The following LMAN1L variants were observed in gnomAD, a reference collection of about 807,000 sequenced individuals.
The protein encoded by LMAN1L is lectin, mannose binding 1 like.
LMAN1L carries 60 observed loss-of-function variants against 58.3 expected under a neutral mutation model. The ratio of observed to expected loss-of-function variants is 1.03; its 90% CI spans 0.84 to 1.27. The LOEUF is 1.27. Among genes scored for constraint, LMAN1L ranks in the 50% most tolerant of loss-of-function variants. The pLI is 0.00. For missense variants in LMAN1L, 629 were observed against 674.0 expected (o/e 0.93, Z 0.74); for synonymous variants, 280 against 271.6 (o/e 1.03, Z -0.31).
intron 9 of LMAN1L, among the ~76,000 whole-genome samples, chr15:74,821,616 C>T (rs1020124006): frequency 1.7e-4 from 26 of 152,336 alleles, no homozygotes; most frequent in Middle Eastern, 3.4e-3. Context: ...AGTCATAACT[C>T]GGGTCATGCC....
chr15:74,825,547 C>T lies in LMAN1L; in HGVS notation c.1523C>T (p.Thr508Ile), dbSNP rs889004166. The T allele has an allele frequency of 3.7e-6, 6 of 1,613,226 alleles. No homozygotes were observed. The highest frequency in any genetic ancestry group is 1.7e-4 in the Middle Eastern group (1 of 6,044). The change falls in exon 14 of 14, where the codon ACC becomes ATC. Residue 508 changes from threonine (T) to isoleucine (I), a missense_variant. Transcript: ENST00000309664. ...CTTCCTCTGGGTCCTGCACCACACA[C>T]CCCCAGGGCCCTGGGGATTCTGAGG... is the stretch of plus-strand genomic sequence containing the variant. ...GSLPLGPAPH[T>I]PRALGILRRQ... is the part of the protein sequence containing the mutation.
intron 7 of LMAN1L, 49 bp from the exon 8 acceptor site, chr15:74,820,586 C>A: frequency 6.2e-7 from 1 of 1,611,028 alleles, no homozygotes; most frequent in South Asian, 1.1e-5. Flanking sequence ...CCCCTTGCTT[C>A]TGGATCTCCC....
chr15:74,823,723 G>A (rs1448211120), intron 12 of LMAN1L, 41 bp downstream of exon 12: 1 of 1,600,696 alleles, frequency 6.2e-7, no homozygotes, highest in Non-Finnish European at 8.5e-7. Flanking sequence ...CCCCAACCTT[G>A]ACGTCTGGGC....
chr15:74,816,341 C>G (rs376568108), intron 2 of LMAN1L, 30 bp downstream of exon 2: 4 of 1,607,816 alleles, frequency 2.5e-6, no homozygotes, highest in African/African-American at 1.3e-5. Context: ...GCTGACAGAG[C>G]GGGGTGGGTC....
chr15:74,820,650 T>G lies in LMAN1L; in HGVS notation c.790T>G (p.Phe264Val), dbSNP rs759851992. The change falls in exon 8 of 14, where the codon TTC (phenylalanine) becomes GTC (valine). Residue 264 changes from phenylalanine to valine, a missense_variant. Coordinates refer to ENST00000309664, the MANE Select transcript of LMAN1L (RefSeq NM_021819.3). ...EPSPEVPPQP[F>V]LEMQQLRLAR... ...CCTCCCCTAGGTTCCCCCTCAGCCC[T>G]TCCTGGAGATGCAGCAGCTCCGCCT... 3.1e-6 allele frequency: 5 copies of G among 1,613,894 alleles called. No homozygotes were observed. In the East Asian group the frequency reaches 1.1e-4, roughly 36 times the overall value.
chr15:74,816,065 C>G, intron 1 of LMAN1L, 92 bp from the exon 2 acceptor site: 1 of 1,443,638 alleles, frequency 6.9e-7, no homozygotes, highest in Admixed American at 2.3e-5. Context: ...TTGTCGCCTT[C>G]TCTTCCGGGA....
intron 2 of LMAN1L, 33 bp from the exon 3 acceptor site, chr15:74,816,394 G>A (rs767330454): frequency 1.3e-6 from 2 of 1,583,172 alleles, no homozygotes; most frequent in Non-Finnish European, 1.7e-6. Context: ...TATCCCACAC[G>A]GTTCCCTGAG....
intron 6 of LMAN1L, chr15:74,819,623 G>T: frequency 4.1e-6 from 2 of 488,132 alleles, no homozygotes; most frequent in South Asian, 6.6e-5. Context: ...GGCAACCAGA[G>T]CGTGGGAGTC....
Position 74,812,912 on chromosome 15 carries a change from C to T in LMAN1L, c.58C>T (p.Pro20Ser). The change falls in exon 1 of 14, where the codon CCC becomes TCC. Residue 20 changes from proline to serine, a missense_variant. By Grantham distance (74) the Pro-to-Ser change is moderately conservative. This residue lies in a region of LMAN1L where 573 missense variants were observed against 597.3 expected (regional missense o/e 0.96). Transcript: ENST00000309664. ...LFCLLLLLLDPHSPETGCPPL... is the reference protein window; with the variant it reads ...LFCLLLLLLDSHSPETGCPPL... Reference sequence around the variant, plus strand: ...CTGCCTTCTCCTCCTGCTCCTGGACCCCCACAGCCCTGAGACGGGGTGTCC... The same window carrying T: ...CTGCCTTCTCCTCCTGCTCCTGGACTCCCACAGCCCTGAGACGGGGTGTCC... 1 of 1,613,734 alleles carries T rather than the reference C, an allele frequency of 6.2e-7. No individual in the cohort carries two copies. Among genetic ancestry groups the T allele is most frequent in the Admixed American group, 1.7e-5 (1 of 59,996 alleles).
intron 8 of LMAN1L, 102 bp from the exon 9 acceptor site, chr15:74,820,973 C>G: frequency 1.4e-6 from 2 of 1,392,816 alleles, no homozygotes; most frequent in Non-Finnish European, 1.9e-6. Context: ...GCAGCAGCCA[C>G]ACCTTCTGGC....
At chr15:74,818,933 C>T (rs1049251426) in intron 5 of LMAN1L, 116 bp downstream of exon 5, 26 of 1,038,232 alleles carry the variant, frequency 2.5e-5, no homozygotes, top group Admixed American at 1.0e-4. Context: ...CTGGCACACA[C>T]GGGCCAACAT....
rs1317395921 is a variant in LMAN1L at position 74,822,698 on chromosome 15, G to A, written c.1188G>A (p.Leu396=). ...LHGQWTLLQA[L]QEMRDAAVRM... Reference sequence around the variant, plus strand: ...GACAGTGGACTCTGCTCCAGGCCCTGCAAGAGATGAGGTAAGGGACTGGGT... The same window carrying A: ...GACAGTGGACTCTGCTCCAGGCCCTACAAGAGATGAGGTAAGGGACTGGGT... The change falls in exon 11 of 14, where the codon CTG becomes CTA. Residue 396 remains leucine, a synonymous_variant. Coordinates refer to ENST00000309664, the MANE Select transcript of LMAN1L (RefSeq NM_021819.3). 10 of 1,613,728 alleles carry A rather than the reference G, an allele frequency of 6.2e-6. No individual in the cohort carries two copies. In the Admixed American group the frequency reaches 1.7e-4, roughly 27 times the overall value.
chr15:74,817,188 C>T (rs897514158), intron 4 of LMAN1L, among the ~76,000 whole-genome samples: 1 of 152,184 alleles, frequency 6.6e-6, no homozygotes, highest in African/African-American at 2.4e-5. Context: ...CTCTCAGCAA[C>T]CTTCTCTCGG....
At position 74,818,725 on chromosome 15, in the gene LMAN1L, G is replaced by C. The variant is rs2063903409; in HGVS notation, c.505G>C (p.Ala169Pro). ...HIPSEQPGDG[A>P]SQGLGSCHWD... is the part of the protein sequence containing the mutation. ...TGAACAAACTGCCCACAGGGATGGA[G>C]CTAGCCAAGGGCTGGGCTCCTGTCA... is the stretch of plus-strand genomic sequence containing the variant. The change falls in exon 5 of 14, where the codon GCT becomes CCT. Residue 169 changes from alanine (A) to proline (P), a missense_variant. By Grantham distance (27) the Ala-to-Pro change is conservative (BLOSUM62 -1). Around this residue, in one of 3 missense-constraint regions of LMAN1L, gnomAD observed 573 missense variants for 597.3 expected, o/e 0.96. Coordinates refer to ENST00000309664, the MANE Select transcript of LMAN1L (RefSeq NM_021819.3). 6.2e-7 allele frequency: 1 copy of C among 1,607,560 alleles called. No homozygotes were observed. Among genetic ancestry groups the C allele is most frequent in the Non-Finnish European group, 8.5e-7 (1 of 1,177,382 alleles).
chr15:74,814,772 G>A (rs1389990209), intron 1 of LMAN1L, among the ~76,000 whole-genome samples: 1 of 152,140 alleles, frequency 6.6e-6, no homozygotes, highest in East Asian at 1.9e-4. Context: ...GCTTCCCAAA[G>A]TGCTGGGATT....
At chr15:74,820,216 T>A in intron 7 of LMAN1L, 117 bp downstream of exon 7, 7 of 953,858 alleles carry the variant, frequency 7.3e-6, no homozygotes, top group Non-Finnish European at 1.2e-5. Context: ...CTCTGAGCTC[T>A]GCTCAGGCCA....
Position 74,821,206 on chromosome 15 carries a change from G to C in LMAN1L, c.1039G>C (p.Ala347Pro), listed in dbSNP as rs1343963075. 6.5e-7 allele frequency: 1 copy of C among 1,549,716 alleles called. No homozygotes were observed. The highest frequency in any genetic ancestry group is 8.7e-7 in the Non-Finnish European group (1 of 1,147,198). ...WKKQLGPPGQ[A>P]RPDGGWALDA... ...GAAGCAGCTGGGGCCCCCAGGCCAA[G>C]CCAGGCCTGACGGAGGCTGGGTGAG... is the stretch of plus-strand genomic sequence containing the variant. Residue 347 changes from alanine (A) to proline (P), a missense_variant, in exon 9 of 14, where the codon GCC becomes CCC. Ala to Pro is a conservative substitution (Grantham distance 27, BLOSUM62 -1). Transcript: ENST00000309664.
chr15:74,820,564 T>A (rs1405842715), intron 7 of LMAN1L, 71 bp from the exon 8 acceptor site: 3 of 1,595,898 alleles, frequency 1.9e-6, no homozygotes, highest in Non-Finnish European at 2.6e-6. Context: ...TGGGGAAGCC[T>A]GTGGGAAGGC....
rs532761079 is a variant in LMAN1L at position 74,819,090 on chromosome 15, G to A, written c.598-62G>A. 14 of 1,542,648 alleles carry A rather than the reference G, an allele frequency of 9.1e-6. No individual in the cohort carries two copies. The African/African-American group carries it at 1.9e-4, about 21-fold the overall frequency. ...GGGCCACCTGCCATCCCACGGCCAG[G>A]GGAGCCAGGGAGTCAGAGGTAGGGA... On this transcript the variant is annotated intron_variant, in intron 5 of 13. Coordinates refer to ENST00000309664, the MANE Select transcript of LMAN1L (RefSeq NM_021819.3).
Sources: gnomAD v4.1 joint callset for allele counts (sites outside exome capture counted in the v4.1 genomes callset) on GRCh38, gnomAD v4.1.1 for gene constraint, gnomAD v4.1.1 regional missense constraint, MANE v1.5 for transcripts, NCBI Gene and HGNC (gene_info 2026-07-23, HGNC 2026-07-21) for gene names.